The following FBXL20 variants were observed in gnomAD, a reference collection of about 807,000 sequenced individuals.
The protein encoded by FBXL20 is F-box and leucine rich repeat protein 20.
FBXL20 carries 11 observed loss-of-function variants against 64.0 expected under a neutral mutation model. The observed-to-expected ratio is 0.17, with a 90% CI of 0.11 to 0.28. The LOEUF is 0.28. Ranked by LOEUF, FBXL20 falls within the 10% of genes least tolerant of loss-of-function variation. The pLI is 1.00. For missense variants in FBXL20, 303 were observed against 526.2 expected, an observed-to-expected ratio of 0.58 and a Z score of 4.15; for synonymous variants, 184 against 189.0, an observed-to-expected ratio of 0.97 and a Z score of 0.22.
At chr17:39,381,919 AC>A (rs1198455417) in intron 1 of FBXL20, among the ~76,000 whole-genome samples, 1 of 151,204 alleles carries the variant, frequency 6.6e-6, no homozygotes, top group Non-Finnish European at 1.5e-5. Context: ...ACATGGTGAA[AC>A]CCCCTCTCTG....
At chr17:39,321,477 A>AG (rs986251272) in intron 2 of FBXL20, among the ~76,000 whole-genome samples, 3 of 148,930 alleles carry the variant, frequency 2.0e-5, no homozygotes, top group African/African-American at 5.0e-5. Flanking sequence ...AAAAAAAAAA[A>AG]AAAGAAAAAT....
intron 8 of FBXL20, 141 bp from the exon 9 acceptor site, chr17:39,281,604 T>C (rs1363525658): frequency 3.2e-6 from 2 of 627,450 alleles, no homozygotes; most frequent in Non-Finnish European, 5.6e-6. Context: ...AAATACGCTA[T>C]GATCATATAA....
At position 39,364,307 on chromosome 17, in the gene FBXL20, G is replaced by A. The variant is rs79194986; in HGVS notation, c.43-21066C>T. Among the ~76,000 whole-genome samples the A allele has an allele frequency of 0.011, 1,608 of 152,248 alleles. 98 individuals carry two copies. In the East Asian group the frequency reaches 0.16, roughly 15 times the overall value. On this transcript the variant is annotated intron_variant, in intron 1 of 14. Coordinates refer to ENST00000264658, the MANE Select transcript of FBXL20 (RefSeq NM_032875.3). ...TGAATCTAGGTTGACATAGTGACTT[G>A]ATTTGACCAAAAGAATGTGGTGGGG...
At chr17:39,358,380 C>A (rs973418117) in intron 1 of FBXL20, among the ~76,000 whole-genome samples, 5 of 152,300 alleles carry the variant, frequency 3.3e-5, no homozygotes, top group African/African-American at 1.2e-4. Context: ...CATCCCTTAG[C>A]CTTCTCAAGA....
intron 1 of FBXL20, among the ~76,000 whole-genome samples, chr17:39,388,470 A>AG (rs2048102931): frequency 6.6e-6 from 1 of 151,146 alleles, no homozygotes; most frequent in Non-Finnish European, 1.5e-5. Flanking sequence ...AAAAAAAAAA[A>AG]GTTGCTTTTT....
In FBXL20 at chr17:39,265,586, A is replaced by ATATAAGCTCACT; in HGVS notation, c.934-134_934-133insAGTGAGCTTATA. 4 of 532,924 alleles carry ATATAAGCTCACT rather than the reference A, an allele frequency of 7.5e-6. No homozygotes were observed. In the African/African-American group the frequency reaches 7.8e-5, roughly 10 times the overall value. The allele number at this position is 532,924 out of a possible 1,614,324, so 33.0% of individuals were successfully genotyped here. On this transcript the variant is annotated intron_variant, in intron 12 of 14. Coordinates refer to ENST00000264658, the MANE Select transcript of FBXL20 (RefSeq NM_032875.3). Reference sequence around the variant, plus strand: ...AGTGGTGCAACTATAAGCTCACTGCAGCCTAAAACTTCTGGGCTCAAGCAA... The same window carrying ATATAAGCTCACT: ...AGTGGTGCAACTATAAGCTCACTGCATATAAGCTCACTGCCTAAAACTTCTGGGCTCAAGCAA...
chr17:39,283,050 A>C (rs1255603794), intron 7 of FBXL20, among the ~76,000 whole-genome samples, 195 bp from the exon 8 acceptor site: 2 of 152,240 alleles, frequency 1.3e-5, no homozygotes, highest in Non-Finnish European at 2.9e-5. Context: ...TAGCAGGAAC[A>C]TCTAAAATCC....
At chr17:39,266,221 T>C (rs1228022095) in intron 12 of FBXL20, among the ~76,000 whole-genome samples, 4 of 146,940 alleles carry the variant, frequency 2.7e-5, no homozygotes, top group African/African-American at 1.0e-4. Flanking sequence ...GGCTAGTTTG[T>C]TGTTTTTTTT....
At chr17:39,298,278 C>T (rs2047104259) in intron 5 of FBXL20, among the ~76,000 whole-genome samples, 1 of 152,024 alleles carries the variant, frequency 6.6e-6, no homozygotes, top group Non-Finnish European at 1.5e-5. Flanking sequence ...GTCACCTAAC[C>T]TGGCTAATTA....
intron 3 of FBXL20, among the ~76,000 whole-genome samples, chr17:39,302,181 T>C (rs557884877): frequency 6.6e-6 from 1 of 152,166 alleles, no homozygotes; most frequent in East Asian, 1.9e-4. Context: ...ATTCTCACTC[T>C]CTTTTTCTAT....
intron 9 of FBXL20, among the ~76,000 whole-genome samples, chr17:39,278,578 G>T: frequency 8.1e-6 from 1 of 123,796 alleles, no homozygotes; most frequent in Admixed American, 9.4e-5. Flanking sequence ...GATGGAGTCT[G>T]GCTGTGTCGC....
chr17:39,328,141 G>A (rs796340319), intron 2 of FBXL20, among the ~76,000 whole-genome samples: 49 of 150,606 alleles, frequency 3.3e-4, no homozygotes, highest in African/African-American at 1.1e-3. Context: ...CCAGTTACTT[G>A]GGAGGCTGCG....
intron 2 of FBXL20, among the ~76,000 whole-genome samples, chr17:39,322,539 T>TA (rs1325301825): frequency 6.6e-6 from 1 of 152,118 alleles, no homozygotes; most frequent in Non-Finnish European, 1.5e-5. Flanking sequence ...GTATAAAAGT[T>TA]AAGTGGATCG....
intron 13 of FBXL20, 40 bp downstream of exon 13, chr17:39,265,356 TA>T: frequency 6.7e-7 from 1 of 1,490,804 alleles, no homozygotes; most frequent in Middle Eastern, 1.7e-4. Flanking sequence ...GGCTTTTGAT[TA>T]AACCCAGTAA....
intron 1 of FBXL20, among the ~76,000 whole-genome samples, chr17:39,373,374 C>T (rs1201649827): frequency 6.6e-6 from 1 of 152,218 alleles, no homozygotes; most frequent in East Asian, 1.9e-4. Flanking sequence ...CAGGGCCAGG[C>T]TCTCTCCTGC....
chr17:39,280,401 C>CAA (rs369912448), intron 9 of FBXL20, among the ~76,000 whole-genome samples: 1 of 100,358 alleles, frequency 1.0e-5, no homozygotes, highest in Non-Finnish European at 1.9e-5. Context: ...GACTCTGTCT[C>CAA]AAAAAAAAAA....
Position 39,281,395 on chromosome 17 carries a change from A to T in FBXL20, c.690T>A (p.Thr230=), listed in dbSNP as rs139229422. ...CPELVTLNLQ[T]CLQITDEGLI... The stretch of plus-strand genomic sequence containing the variant: ...TGTGAGAAGGGATGTTTACCAAGCA[A>T]GTCTGCAAGTTCAAAGTCACCAGTT... The change falls in exon 9 of 15, where the codon ACT becomes ACA. Residue 230 remains threonine, a synonymous_variant. Coordinates refer to ENST00000264658, the MANE Select transcript of FBXL20 (RefSeq NM_032875.3). 1.5e-5 allele frequency: 24 copies of T among 1,613,844 alleles called. No individual in the cohort carries two copies. In the African/African-American group the frequency reaches 1.9e-4, roughly 13 times the overall value.
intron 1 of FBXL20, among the ~76,000 whole-genome samples, chr17:39,387,260 T>C (rs1345675557): frequency 6.6e-6 from 1 of 151,228 alleles, no homozygotes; most frequent in Non-Finnish European, 1.5e-5. Flanking sequence ...TTTGGTGGGT[T>C]AGGTGTATTA....
At chr17:39,397,352 G>T (rs1002546616) in intron 1 of FBXL20, among the ~76,000 whole-genome samples, 1 of 152,150 alleles carries the variant, frequency 6.6e-6, no homozygotes, top group African/African-American at 2.4e-5. Flanking sequence ...TCAAAATACC[G>T]AAATTGGAGC....
Sources: allele counts gnomAD v4.1 joint callset (sites outside exome capture counted in the v4.1 genomes callset), GRCh38; gene constraint gnomAD v4.1.1; transcripts MANE v1.5; gene names NCBI Gene and HGNC (gene_info 2026-07-23, HGNC 2026-07-21).